COX7B2: variants seen among roughly 807,000 people sequenced by gnomAD.
The protein encoded by COX7B2 is cytochrome c oxidase subunit 7B2, also known as cytochrome c oxidase subunit 7B2, mitochondrial.
For synonymous variants in COX7B2, 37 were observed against 32.1 expected (o/e 1.15, Z -0.51); for missense variants, 109 against 95.9 (o/e 1.14, Z -0.57).
At chr4:46,805,723 C>T (rs750022047) in intron 2 of COX7B2, among the ~76,000 whole-genome samples, 5 of 152,004 alleles carry the variant, frequency 3.3e-5, no homozygotes, top group Admixed American at 2.0e-4. Flanking sequence ...TATTTTCATC[C>T]AGTTTATGGA....
chr4:46,749,410 T>C (rs907884559), intron 2 of COX7B2, among the ~76,000 whole-genome samples: 5 of 152,268 alleles, frequency 3.3e-5, no homozygotes, highest in Admixed American at 3.3e-4. Context: ...TTCCCCATCC[T>C]CCATCTATTT....
chr4:46,770,046 G>A (rs867186944), intron 2 of COX7B2, among the ~76,000 whole-genome samples: 4 of 152,054 alleles, frequency 2.6e-5, no homozygotes, highest in South Asian at 4.1e-4. Flanking sequence ...AAATCAGAAG[G>A]AAAAAATTAA....
rs901316950 is a variant in COX7B2 at position 46,888,441 on chromosome 4, CT to C, written c.-105+20718del. 4.5e-3 allele frequency among the ~76,000 whole-genome samples: 649 copies of C among 145,482 alleles called. 2 individuals are homozygous for C. Among genetic ancestry groups the C allele is most frequent in the African/African-American group, 0.013 (528 of 39,872 alleles). On this transcript the variant is annotated intron_variant, in intron 1 of 2. Transcript: ENST00000355591. Reference sequence around the variant, plus strand: ...GGACAGGGGCAGATTATGTTTCTTCCTTTTTTTTTTTCTTTTTTTTGAGACG... The same window carrying C: ...GGACAGGGGCAGATTATGTTTCTTCCTTTTTTTTTTCTTTTTTTTGAGACG...
intron 1 of COX7B2, among the ~76,000 whole-genome samples, chr4:46,881,936 G>A (rs145361693): frequency 6.6e-6 from 1 of 152,192 alleles, no homozygotes; most frequent in Non-Finnish European, 1.5e-5. Context: ...GGCCTTTAGT[G>A]CTATGAATTT....
chr4:46,800,860 T>C (rs1302782384), intron 2 of COX7B2, among the ~76,000 whole-genome samples: 1 of 152,130 alleles, frequency 6.6e-6, no homozygotes, highest in Non-Finnish European at 1.5e-5. Context: ...TTGCAAACTA[T>C]GCATTCAACA....
chr4:46,749,550 C>T (rs1199835364), intron 2 of COX7B2, among the ~76,000 whole-genome samples: 1 of 152,026 alleles, frequency 6.6e-6, no homozygotes, highest in East Asian at 1.9e-4. Context: ...GTGTTATGTA[C>T]ATGTACATAA....
intron 2 of COX7B2, among the ~76,000 whole-genome samples, chr4:46,837,274 TACACACACACACACACACACACAC>T (rs33927124): frequency 1.5e-5 from 2 of 133,258 alleles, no homozygotes; most frequent in African/African-American, 5.5e-5. Context: ...CACAAAGACA[TACACACACACACACACACACACAC>T]ACACACACAC....
intron 1 of COX7B2, among the ~76,000 whole-genome samples, chr4:46,894,582 A>G (rs1262650842): frequency 6.6e-6 from 1 of 152,182 alleles, no homozygotes; most frequent in East Asian, 1.9e-4. Flanking sequence ...GAATGGGCAA[A>G]GATTTCATGA....
rs1718205385 is a variant in COX7B2 at position 46,794,252 on chromosome 4, T to C, written c.-50+50708A>G. Among the ~76,000 whole-genome samples, 2 of 152,196 alleles carry C rather than the reference T, an allele frequency of 1.3e-5. 1 individual carries two copies. The highest frequency in any genetic ancestry group is 2.9e-5 in the Non-Finnish European group (2 of 68,034). ...GTGGAAGAAACAAGTTGGATTAGGATGAATATATTGACATGGACTCACAAA... is the reference window on the plus strand; with the variant it reads ...GTGGAAGAAACAAGTTGGATTAGGACGAATATATTGACATGGACTCACAAA... On this transcript the variant is annotated intron_variant, in intron 2 of 2. Coordinates refer to ENST00000355591, the MANE Select transcript of COX7B2 (RefSeq NM_130902.3).
intron 1 of COX7B2, among the ~76,000 whole-genome samples, chr4:46,895,005 C>G (rs1236364224): frequency 6.6e-6 from 1 of 151,888 alleles, no homozygotes; most frequent in African/African-American, 2.4e-5. Context: ...GGTTATTGAG[C>G]AATTGTTGGA....
chr4:46,902,181 T>C (rs1720106905), intron 1 of COX7B2, among the ~76,000 whole-genome samples: 1 of 152,134 alleles, frequency 6.6e-6, no homozygotes, highest in African/African-American at 2.4e-5. Context: ...CTCTTACCCC[T>C]GTAAAATGGA....
At chr4:46,816,031 C>T (rs1373377173) in intron 2 of COX7B2, among the ~76,000 whole-genome samples, 1 of 152,124 alleles carries the variant, frequency 6.6e-6, no homozygotes, top group East Asian at 1.9e-4. Context: ...GTAGGCCCTC[C>T]TTATATCCTC....
At chr4:46,891,230 T>C (rs1273284774) in intron 1 of COX7B2, among the ~76,000 whole-genome samples, 1 of 152,204 alleles carries the variant, frequency 6.6e-6, no homozygotes, top group Non-Finnish European at 1.5e-5. Context: ...GGATATATCA[T>C]ATTTAAGTAG....
intron 1 of COX7B2, among the ~76,000 whole-genome samples, chr4:46,859,225 C>A (rs567443206): frequency 6.6e-6 from 1 of 152,274 alleles, no homozygotes; most frequent in South Asian, 2.1e-4. Flanking sequence ...CAGACCCCAG[C>A]CCTATCAAGC....
intron 2 of COX7B2, among the ~76,000 whole-genome samples, chr4:46,829,674 T>C (rs1342091862): frequency 6.6e-6 from 1 of 152,128 alleles, no homozygotes; most frequent in African/African-American, 2.4e-5. Context: ...AGAAGCAACA[T>C]TTGAACTGGA....
At position 46,864,405 on chromosome 4, in the gene COX7B2, G is replaced by C. The variant is rs186859111; in HGVS notation, c.-104-19391C>G. ...TATTGGAGAAGCCAACAACTGAAGG[G>C]AGGCAGTGAAGTAGCATTCAAAAAC... On this transcript the variant is annotated intron_variant, in intron 1 of 2. Transcript: ENST00000355591. 3.3e-5 allele frequency among the ~76,000 whole-genome samples: 5 copies of C among 152,236 alleles called. No individual in the cohort carries two copies. The East Asian group carries it at 9.7e-4, about 29-fold the overall frequency.
intron 2 of COX7B2, among the ~76,000 whole-genome samples, chr4:46,817,839 C>T (rs1267159565): frequency 6.6e-6 from 1 of 152,162 alleles, no homozygotes; most frequent in East Asian, 1.9e-4. Context: ...TGGAGGGTCA[C>T]CCTACTGAGA....
chr4:46,755,451 A>G (rs768601321), intron 2 of COX7B2, among the ~76,000 whole-genome samples: 7 of 152,060 alleles, frequency 4.6e-5, no homozygotes, highest in Non-Finnish European at 1.0e-4. Flanking sequence ...ACATGGCACT[A>G]GAAACCCTCA....
At chr4:46,738,975 A>G (rs2109393217) in intron 2 of COX7B2, among the ~76,000 whole-genome samples, 1 of 152,232 alleles carries the variant, frequency 6.6e-6, no homozygotes, top group East Asian at 1.9e-4. Context: ...GCAAAAAATA[A>G]CTAATACTTG....
Sources: gnomAD v4.1 joint callset for allele counts (sites outside exome capture counted in the v4.1 genomes callset) on GRCh38, gnomAD v4.1.1 for gene constraint, MANE v1.5 for transcripts, NCBI Gene and HGNC (gene_info 2026-07-23, HGNC 2026-07-21) for gene names.